The following MUSK variants were observed in gnomAD, a reference collection of about 807,000 sequenced individuals.
MUSK encodes muscle associated receptor tyrosine kinase, also known as muscle, skeletal receptor tyrosine-protein kinase.
In MUSK, 55 loss-of-function variants were observed where a neutral mutation model predicts 88.7. The observed-to-expected ratio is 0.62, with a 90% CI of 0.50 to 0.78. MUSK has a LOEUF of 0.78. MUSK is among the 30% of genes least tolerant of loss of function. The probability of loss-of-function intolerance (pLI) is 0.00; values close to 1 mark genes in which losing one functional copy is unlikely to be tolerated. For missense variants in MUSK, 1,015 were observed against 1,074.3 expected, an observed-to-expected ratio of 0.94 and a Z score of 0.77; for synonymous variants, 387 against 391.9, an observed-to-expected ratio of 0.99 and a Z score of 0.15.
At chr9:110,714,689 GA>G (rs2076723235) in intron 5 of MUSK, among the ~76,000 whole-genome samples, 1 of 152,134 alleles carries the variant, frequency 6.6e-6, no homozygotes, top group South Asian at 2.1e-4. Flanking sequence ...AAGGGTTTGA[GA>G]AAAGAAGTAT....
chr9:110,798,826 C>T (rs571204018), intron 14 of MUSK, among the ~76,000 whole-genome samples: 5 of 152,132 alleles, frequency 3.3e-5, no homozygotes, highest in Admixed American at 1.3e-4. Context: ...TATATCTATA[C>T]ACATGTATAT....
At chr9:110,767,783 G>A in intron 8 of MUSK, 37 bp from the exon 9 acceptor site, 12 of 1,611,296 alleles carry the variant, frequency 7.4e-6, no homozygotes, top group Non-Finnish European at 9.3e-6. Flanking sequence ...CCAAGAAATA[G>A]CATGTGATTA....
chr9:110,690,106 T>C (rs2076305139), intron 3 of MUSK, among the ~76,000 whole-genome samples: 1 of 72,562 alleles, frequency 1.4e-5, no homozygotes, highest in Non-Finnish European at 2.3e-5. Context: ...TAAGTATAAA[T>C]ATAGAAATAT....
chr9:110,788,558 G>T (rs573648889), intron 14 of MUSK, among the ~76,000 whole-genome samples: 45 of 151,876 alleles, frequency 3.0e-4, no homozygotes, highest in Middle Eastern at 3.4e-3. Context: ...CTTACACCGG[G>T]GGGGCAGAGG....
chr9:110,685,876 C>T (rs895393026), intron 2 of MUSK, among the ~76,000 whole-genome samples: 6 of 151,970 alleles, frequency 3.9e-5, no homozygotes, highest in Non-Finnish European at 7.4e-5. Context: ...AAATTTTTTT[C>T]GGTTCTAACT....
intron 11 of MUSK, among the ~76,000 whole-genome samples, chr9:110,777,191 T>C (rs2077684840): frequency 6.6e-6 from 1 of 152,126 alleles, no homozygotes; most frequent in Non-Finnish European, 1.5e-5. Context: ...TCAAGAAGGT[T>C]GCTTGAAAAG....
intron 5 of MUSK, among the ~76,000 whole-genome samples, chr9:110,709,044 C>T (rs1457407959): frequency 6.6e-6 from 1 of 152,088 alleles, no homozygotes; most frequent in Non-Finnish European, 1.5e-5. Context: ...ATTAGTTCAT[C>T]CAACAAAGAC....
intron 11 of MUSK, among the ~76,000 whole-genome samples, chr9:110,780,187 G>C (rs923447042): frequency 6.6e-6 from 1 of 151,952 alleles, no homozygotes; most frequent in Non-Finnish European, 1.5e-5. Flanking sequence ...TTACGTTTTT[G>C]CTTCTTCTTT....
At chr9:110,752,092 T>C (rs752222268) in intron 7 of MUSK, among the ~76,000 whole-genome samples, 47 of 152,144 alleles carry the variant, frequency 3.1e-4, no homozygotes, top group Non-Finnish European at 5.7e-4. Context: ...CTCCTCGACT[T>C]TTCCCAAAAT....
At chr9:110,784,749 C>T (rs1013264799) in intron 11 of MUSK, 66 bp from the exon 12 acceptor site, 1 of 1,272,078 alleles carries the variant, frequency 7.9e-7, no homozygotes, top group African/African-American at 1.5e-5. Flanking sequence ...TTACTGATTG[C>T]TTAAATACAA....
chr9:110,787,588 C>A, intron 13 of MUSK, 102 bp from the exon 14 acceptor site: 1 of 1,225,546 alleles, frequency 8.2e-7, no homozygotes, highest in Non-Finnish European at 1.1e-6. Flanking sequence ...CTTAACCAGC[C>A]TTTTACACAG....
intron 2 of MUSK, among the ~76,000 whole-genome samples, chr9:110,685,251 T>A (rs1341391797): frequency 6.6e-6 from 1 of 152,178 alleles, no homozygotes; most frequent in East Asian, 1.9e-4. Context: ...GTTGATATGA[T>A]GTATCACATT....
chr9:110,724,055 T>A, intron 5 of MUSK, among the ~76,000 whole-genome samples: 1 of 152,084 alleles, frequency 6.6e-6, no homozygotes. Flanking sequence ...CACTTGACCT[T>A]GTCCAAGCTT....
chr9:110,689,690 T>C (rs1420411356), intron 3 of MUSK, among the ~76,000 whole-genome samples: 1 of 62,616 alleles, frequency 1.6e-5, no homozygotes, highest in African/African-American at 9.3e-5. Context: ...TAACTATATA[T>C]AGTTATATAT....
chr9:110,742,149 G>T (rs2077108229), intron 6 of MUSK, among the ~76,000 whole-genome samples: 1 of 152,044 alleles, frequency 6.6e-6, no homozygotes, highest in Admixed American at 6.6e-5. Flanking sequence ...GGAGTATAAA[G>T]ACATCCTAAG....
intron 5 of MUSK, among the ~76,000 whole-genome samples, chr9:110,717,892 C>G (rs1292781602): frequency 6.6e-6 from 1 of 152,082 alleles, no homozygotes; most frequent in Non-Finnish European, 1.5e-5. Context: ...GTCATAGAAT[C>G]TGTATTAGTT....
At chr9:110,762,061 A>G (rs2077409783) in intron 7 of MUSK, 141 bp from the exon 8 acceptor site, 3 of 1,016,504 alleles carry the variant, frequency 3.0e-6, no homozygotes, top group Non-Finnish European at 3.8e-6. Context: ...GCCTCCTAGC[A>G]GAAGCGGAGA....
At chr9:110,677,392 G>A (rs1213762238) in intron 1 of MUSK, among the ~76,000 whole-genome samples, 6 of 152,176 alleles carry the variant, frequency 3.9e-5, no homozygotes, top group Non-Finnish European at 7.3e-5. Flanking sequence ...GGCACTTTTA[G>A]GTCCTTATTT....
At chr9:110,763,721 G>A (rs1261262649) in intron 8 of MUSK, among the ~76,000 whole-genome samples, 1 of 152,150 alleles carries the variant, frequency 6.6e-6, no homozygotes, top group Non-Finnish European at 1.5e-5. Flanking sequence ...GGGAAGTAAG[G>A]TGTGGAGTTT....
Sources: gnomAD v4.1 joint callset for allele counts (sites outside exome capture counted in the v4.1 genomes callset) on GRCh38, gnomAD v4.1.1 for gene constraint, MANE v1.5 for transcripts, NCBI Gene and HGNC (gene_info 2026-07-23, HGNC 2026-07-21) for gene names.